KIF26B: variants seen among roughly 807,000 people sequenced by gnomAD.
KIF26B encodes kinesin-like protein KIF26B.
In KIF26B, 63 loss-of-function variants were observed where a neutral mutation model predicts 151.2. The observed-to-expected ratio is 0.42, with a 90% CI of 0.34 to 0.51. The LOEUF (loss-of-function observed/expected upper bound fraction) is 0.51. KIF26B is among the 20% of genes least tolerant of loss of function. The probability of loss-of-function intolerance (pLI) is 0.07; values close to 1 mark genes in which losing one functional copy is unlikely to be tolerated. For missense variants in KIF26B, 2,813 were observed against 2,913.6 expected (o/e 0.97, Z 0.79); for synonymous variants, 1,357 against 1,262.1 (o/e 1.08, Z -1.59).
chr1:245,503,896 T>G (rs1056669319), intron 4 of KIF26B, among the ~76,000 whole-genome samples: 2 of 152,214 alleles, frequency 1.3e-5, no homozygotes, highest in African/African-American at 4.8e-5. Context: ...GGTAGGCCTT[T>G]CCCAGGCGTT....
In KIF26B at chr1:245,602,592, C is replaced by T; in HGVS notation, c.1366C>T (p.Arg456Cys). The change falls in exon 6 of 15, where the codon CGC becomes TGC. Residue 456 changes from arginine (R) to cysteine (C), a missense_variant. Arg to Cys is a radical substitution (Grantham distance 180). Around this residue, in one of 3 missense-constraint regions of KIF26B, gnomAD observed 676 missense variants for 688.1 expected, o/e 0.98. Transcript: ENST00000407071. This position sits in a 1 kb window ranked among gnomAD's most constrained non-coding sequence, Gnocchi z 4.5. Reference sequence around the variant, plus strand: ...TTCTTAACAGGTGAAAGTCATGCTTCGCATCTGTTCCACCTTGGCTCGAGA... The same window carrying T: ...TTCTTAACAGGTGAAAGTCATGCTTTGCATCTGTTCCACCTTGGCTCGAGA... ...PGLGKVKVML[R>C]ICSTLARDTS... is the part of the protein sequence containing the mutation. 6.2e-7 allele frequency: 1 copy of T among 1,611,662 alleles called. No individual in the cohort carries two copies. Among genetic ancestry groups the T allele is most frequent in the Non-Finnish European group, 8.5e-7 (1 of 1,178,678 alleles).
intron 2 of KIF26B, among the ~76,000 whole-genome samples, chr1:245,257,822 G>C (rs1402724807): frequency 6.6e-6 from 1 of 152,198 alleles, no homozygotes; most frequent in Non-Finnish European, 1.5e-5. Context: ...AGGAGATCAA[G>C]ACCAGCTTGG....
At chr1:245,605,780 C>CGG (rs2043445833) in intron 6 of KIF26B, among the ~76,000 whole-genome samples, 1 of 152,160 alleles carries the variant, frequency 6.6e-6, no homozygotes, top group South Asian at 2.1e-4. Flanking sequence ...TGACCACGCT[C>CGG]TTCTCAGTGG....
intron 5 of KIF26B, among the ~76,000 whole-genome samples, chr1:245,594,003 GC>G (rs2043316472): frequency 6.6e-6 from 1 of 151,878 alleles, no homozygotes; most frequent in Non-Finnish European, 1.5e-5. Flanking sequence ...TCCTTCTCCC[GC>G]TTTTTGATGG....
In KIF26B at chr1:245,367,248, A is replaced by T. The variant is rs1465897162; in HGVS notation, c.880A>T (p.Met294Leu). The T allele has an allele frequency of 1.2e-6, 2 of 1,607,932 alleles. No individual in the cohort carries two copies. The highest frequency in any genetic ancestry group is 4.5e-5 in the East Asian group (2 of 44,644). ...CCACCAGGCCAAGGTCAGCCTCCAG[A>T]TGGCCACCAGTCCAAGCAATGGGAA... is the stretch of plus-strand genomic sequence containing the variant. Reference protein sequence around the residue: ...PTHQAKVSLQMATSPSNGNIL... With the variant: ...PTHQAKVSLQLATSPSNGNIL... The change falls in exon 3 of 15, where the codon ATG (methionine) becomes TTG (leucine). Residue 294 changes from methionine to leucine, a missense_variant. Around this residue, in one of 3 missense-constraint regions of KIF26B, gnomAD observed 676 missense variants for 688.1 expected, o/e 0.98. Transcript: ENST00000407071. The surrounding 1 kb of genome is among the most constrained non-coding windows in gnomAD (Gnocchi z 4.2).
intron 2 of KIF26B, among the ~76,000 whole-genome samples, chr1:245,188,007 C>T (rs540659230): frequency 3.9e-5 from 6 of 151,994 alleles, no homozygotes; most frequent in South Asian, 2.1e-4. Context: ...AGGCCGGGCG[C>T]GGTGGCTCAT....
intron 4 of KIF26B, among the ~76,000 whole-genome samples, chr1:245,440,094 G>T (rs558825835): frequency 6.6e-6 from 1 of 152,120 alleles, no homozygotes; most frequent in Non-Finnish European, 1.5e-5. Context: ...GGTGGCGGGA[G>T]CCTGTAGTCC....
chr1:245,311,869 G>A lies in KIF26B; in HGVS notation c.466-54965G>A, dbSNP rs185846093. Among the ~76,000 whole-genome samples the A allele has an allele frequency of 3.6e-3, 542 of 152,334 alleles. 3 individuals carry two copies. Among genetic ancestry groups the A allele is most frequent in the African/African-American group, 0.012 (516 of 41,576 alleles). On this transcript the variant is annotated intron_variant, in intron 2 of 14. Coordinates refer to ENST00000407071, the MANE Select transcript of KIF26B (RefSeq NM_018012.4). ...GGCTTGAACCCAGGAGACAGAGGTT[G>A]CAGTGAGCCGAGATCATGCCATTGC...
chr1:245,697,203 T>C (rs1315225853), intron 12 of KIF26B, among the ~76,000 whole-genome samples: 1 of 152,180 alleles, frequency 6.6e-6, no homozygotes, highest in Non-Finnish European at 1.5e-5. Context: ...TGCCCCTTGT[T>C]GTCTCCTGGA....
intron 10 of KIF26B, among the ~76,000 whole-genome samples, chr1:245,652,100 A>ATC (rs2044022372): frequency 2.0e-5 from 2 of 98,066 alleles, no homozygotes; most frequent in African/African-American, 7.4e-5. Flanking sequence ...TCATGTAAGA[A>ATC]TCTGTGTGTG....
intron 4 of KIF26B, among the ~76,000 whole-genome samples, chr1:245,422,378 AG>A (rs1476393118): frequency 6.6e-6 from 1 of 151,998 alleles, no homozygotes; most frequent in Non-Finnish European, 1.5e-5. Context: ...CCTCCCAGCG[AG>A]GGAGGCAGCA....
chr1:245,625,788 T>A (rs10754460), intron 9 of KIF26B, among the ~76,000 whole-genome samples: 3 of 144,764 alleles, frequency 2.1e-5, no homozygotes, highest in African/African-American at 2.6e-5. Context: ...GCACCCCACA[T>A]CCCGCCCCTT....
At chr1:245,414,468 G>A (rs562887166) in intron 3 of KIF26B, among the ~76,000 whole-genome samples, 13 of 152,324 alleles carry the variant, frequency 8.5e-5, no homozygotes, top group African/African-American at 3.1e-4. Context: ...AGGCTTGTTT[G>A]TGTTGGTCTG....
At chr1:245,513,208 AC>A (rs5782355) in intron 4 of KIF26B, among the ~76,000 whole-genome samples, 122,716 of 133,064 alleles carry the variant, frequency 0.92, 57,475 homozygotes, top group East Asian at 1. Context: ...TCCAACCTGC[AC>A]CCCCCCCCAA....
At chr1:245,513,215 C>A (rs1402408065) in intron 4 of KIF26B, among the ~76,000 whole-genome samples, 1 of 150,968 alleles carries the variant, frequency 6.6e-6, no homozygotes, top group African/African-American at 2.4e-5. Flanking sequence ...TGCACCCCCC[C>A]CCAACCCCGC....
chr1:245,591,080 C>T (rs894589087), intron 5 of KIF26B, among the ~76,000 whole-genome samples: 3 of 152,156 alleles, frequency 2.0e-5, no homozygotes, highest in Non-Finnish European at 1.5e-5. Flanking sequence ...TCTTACAACA[C>T]TGTCATGGAC....
chr1:245,292,283 T>C (rs1398590442), intron 2 of KIF26B, among the ~76,000 whole-genome samples: 3 of 152,210 alleles, frequency 2.0e-5, no homozygotes, highest in African/African-American at 7.2e-5. Context: ...CCTCTCAGCC[T>C]TGAGTGCACA....
chr1:245,307,263 C>T (rs148060525), intron 2 of KIF26B, among the ~76,000 whole-genome samples: 134 of 152,210 alleles, frequency 8.8e-4, no homozygotes, highest in African/African-American at 2.8e-3. Flanking sequence ...TCTCATATGC[C>T]GGACCGTGAC....
At position 245,481,960 on chromosome 1, in the gene KIF26B, C is replaced by T. The variant is rs372969307; in HGVS notation, c.1167-58807C>T. Among the ~76,000 whole-genome samples, 9 of 151,480 alleles carry T rather than the reference C, an allele frequency of 5.9e-5. No individual in the cohort carries two copies. In the East Asian group the frequency reaches 9.6e-4, roughly 16 times the overall value. ...TTGGCTCTGTGTGTACTTTTACCATCCTAGATAATGAAGACCAGAGCCAAG... is the reference window on the plus strand; with the variant it reads ...TTGGCTCTGTGTGTACTTTTACCATTCTAGATAATGAAGACCAGAGCCAAG... On this transcript the variant is annotated intron_variant, in intron 4 of 14. Transcript: ENST00000407071.
Sources: gnomAD v4.1 joint callset for allele counts (sites outside exome capture counted in the v4.1 genomes callset) on GRCh38, gnomAD v4.1.1 for gene constraint, gnomAD v4.1.1 regional missense constraint, Gnocchi (gnomAD v3.1) non-coding constraint, MANE v1.5 for transcripts, NCBI Gene and HGNC (gene_info 2026-07-23, HGNC 2026-07-21) for gene names.